Variants in DNAH11 observed in about 807,000 individuals in gnomAD.
DNAH11 encodes the protein axonemal beta dynein heavy chain 11.
In DNAH11, 442 loss-of-function variants were observed where a neutral mutation model predicts 526.0. The ratio of observed to expected loss-of-function variants is 0.84; its 90% CI spans 0.78 to 0.91. DNAH11 has a LOEUF of 0.91. Among genes scored for constraint, DNAH11 ranks in the 40% least tolerant of loss-of-function variants. DNAH11 has a pLI of 0.00. For synonymous variants in DNAH11, 2,461 were observed against 1,935.9 expected (o/e 1.27, Z -7.12); for missense variants, 6,989 against 5,448.7 (o/e 1.28, Z -8.90).
chr7:21,579,882 A>G (rs181551592), intron 8 of DNAH11, among the ~76,000 whole-genome samples: 1 of 152,304 alleles, frequency 6.6e-6, no homozygotes, highest in Admixed American at 6.5e-5. Flanking sequence ...CAGATGAGCA[A>G]TAATGGTGAC....
At chr7:21,897,243 T>C (rs975628703) in intron 79 of DNAH11, among the ~76,000 whole-genome samples, 1 of 152,206 alleles carries the variant, frequency 6.6e-6, no homozygotes, top group Admixed American at 6.5e-5. Flanking sequence ...TCTTCAAGAC[T>C]TCTCTATTTC....
chr7:21,604,643 G>GCTT (rs979249630), intron 18 of DNAH11, among the ~76,000 whole-genome samples: 61 of 152,252 alleles, frequency 4.0e-4, no homozygotes, highest in African/African-American at 1.5e-3. Context: ...ACTTTGAGAG[G>GCTT]CTTTGGAGAT....
intron 65 of DNAH11, among the ~76,000 whole-genome samples, chr7:21,822,403 C>A (rs889782659): frequency 6.6e-6 from 1 of 152,102 alleles, no homozygotes; most frequent in Non-Finnish European, 1.5e-5. Flanking sequence ...GGACACCAAG[C>A]CATTCATGAG....
intron 28 of DNAH11, among the ~76,000 whole-genome samples, chr7:21,647,063 T>C (rs1787387929): frequency 6.6e-6 from 1 of 152,200 alleles, no homozygotes; most frequent in Non-Finnish European, 1.5e-5. Context: ...GTGTATTTCA[T>C]GTGTTCAAAA....
At chr7:21,630,381 G>A (rs552565691) in intron 25 of DNAH11, among the ~76,000 whole-genome samples, 2 of 152,158 alleles carry the variant, frequency 1.3e-5, no homozygotes, top group Non-Finnish European at 2.9e-5. Context: ...AATATTCTGT[G>A]TTTGTTCACA....
chr7:21,761,686 G>C (rs993720087), intron 54 of DNAH11, among the ~76,000 whole-genome samples: 1 of 152,026 alleles, frequency 6.6e-6, no homozygotes, highest in Non-Finnish European at 1.5e-5. Flanking sequence ...GACAACAACT[G>C]GTCTCCATGC....
At chr7:21,863,893 T>A (rs903540321) in intron 69 of DNAH11, among the ~76,000 whole-genome samples, 4 of 152,184 alleles carry the variant, frequency 2.6e-5, no homozygotes, top group African/African-American at 4.8e-5. Flanking sequence ...AGCTCAAAAA[T>A]TTTACCTGTT....
chr7:21,590,780 G>A (rs987169151), intron 12 of DNAH11, 138 bp from the exon 13 acceptor site: 1 of 525,364 alleles, frequency 1.9e-6, no homozygotes, highest in African/African-American at 2.0e-5. Flanking sequence ...AAAAGTATAT[G>A]AAACAAAAGT....
In DNAH11 at chr7:21,543,107, A is replaced by G; in HGVS notation, c.-139A>G. 7.1e-7 allele frequency: 1 copy of G among 1,417,604 alleles called. No homozygotes were observed. The highest frequency in any genetic ancestry group is 9.2e-7 in the Non-Finnish European group (1 of 1,092,202). 87.8% of individuals were successfully genotyped at this position (1,417,604 alleles called of 1,614,324 possible). ...AGTGGCGCGGCTGCTAAGTAGCAGC[A>G]GGTGGGAGACTAGGGTCTGCGCTCG... On this transcript the variant is annotated 5_prime_UTR_variant, in exon 1 of 82. Transcript: ENST00000409508.
At chr7:21,587,999 T>G (rs1784533419) in intron 9 of DNAH11, 65 bp from the exon 10 acceptor site, 1 of 1,517,512 alleles carries the variant, frequency 6.6e-7, no homozygotes, top group African/African-American at 1.4e-5. Flanking sequence ...AAGGGGAACA[T>G]TATGAGCTGA....
chr7:21,763,936 CA>C (rs1420394036), intron 54 of DNAH11, among the ~76,000 whole-genome samples: 1 of 151,656 alleles, frequency 6.6e-6, no homozygotes, highest in Non-Finnish European at 1.5e-5. Context: ...AAGCCAGTCA[CA>C]GAAGGACAAT....
chr7:21,850,586 G>T (rs184662015), intron 66 of DNAH11, among the ~76,000 whole-genome samples: 1 of 141,464 alleles, frequency 7.1e-6, no homozygotes, highest in African/African-American at 2.6e-5. Context: ...GTCTTGTCCT[G>T]AGGTTTGCGT....
Position 21,571,788 on chromosome 7 carries a change from A to T in DNAH11, c.1426-18A>T. Reference sequence around the variant, plus strand: ...TGCTCAATGTAGTGGAAAGGTCTTTACTGTGTTTTTTACAAAGGATATATT... The same window carrying T: ...TGCTCAATGTAGTGGAAAGGTCTTTTCTGTGTTTTTTACAAAGGATATATT... On this transcript the variant is annotated intron_variant, in intron 7 of 81. Coordinates refer to ENST00000409508, the MANE Select transcript of DNAH11 (RefSeq NM_001277115.2). 1.9e-6 allele frequency: 3 copies of T among 1,596,568 alleles called. No individual in the cohort carries two copies. The highest frequency in any genetic ancestry group is 2.6e-6 in the Non-Finnish European group (3 of 1,172,952).
chr7:21,644,010 C>T (rs1271054522), intron 28 of DNAH11, among the ~76,000 whole-genome samples: 1 of 152,120 alleles, frequency 6.6e-6, no homozygotes, highest in Non-Finnish European at 1.5e-5. Flanking sequence ...CTCAGGAATG[C>T]TTAATGTTTG....
At chr7:21,880,259 A>G (rs1052721965) in intron 74 of DNAH11, among the ~76,000 whole-genome samples, 1 of 152,184 alleles carries the variant, frequency 6.6e-6, no homozygotes, top group Non-Finnish European at 1.5e-5. Flanking sequence ...GAAACAGTCA[A>G]GGGTGTCCAT....
At position 21,896,459 on chromosome 7, in the gene DNAH11, T is replaced by C. The variant is rs140111840; in HGVS notation, c.13049+1460T>C. On this transcript the variant is annotated intron_variant, in intron 79 of 81. Coordinates refer to ENST00000409508, the MANE Select transcript of DNAH11 (RefSeq NM_001277115.2). ...TAGAGGGTGGATCTGGTCTTAAATA[T>C]TTGCCATTCCTTCCCAAGTAAAGTT... 4.6e-5 allele frequency among the ~76,000 whole-genome samples: 7 copies of C among 152,354 alleles called. No homozygotes were observed. The East Asian group carries it at 1.2e-3, about 25-fold the overall frequency.
intron 63 of DNAH11, among the ~76,000 whole-genome samples, chr7:21,813,483 A>T (rs7792944): frequency 0.41 from 61,808 of 152,090 alleles, 13,430 homozygotes; most frequent in East Asian, 0.82. Context: ...AAAGCCTTAC[A>T]TAAACATGAG....
At chr7:21,744,344 G>T in intron 49 of DNAH11, 94 bp from the exon 50 acceptor site, 1 of 1,332,080 alleles carries the variant, frequency 7.5e-7, no homozygotes, top group South Asian at 1.3e-5. Flanking sequence ...TTAACCATTT[G>T]CTAAGTTCAC....
In DNAH11 at chr7:21,789,813, T is replaced by TTTCTTTCTTTCTTTCTTCTTTCTTTC. The variant is rs1788377904; in HGVS notation, c.10026+488_10026+489insCTTTCTTTCTTCTTTCTTTCTTTCTT. 1.9e-4 allele frequency among the ~76,000 whole-genome samples: 16 copies of TTTCTTTCTTTCTTTCTTCTTTCTTTC among 85,622 alleles called. 1 individual carries two copies. Among genetic ancestry groups the TTTCTTTCTTTCTTTCTTCTTTCTTTC allele is most frequent in the African/African-American group, 6.9e-4 (15 of 21,662 alleles). 56.2% of individuals were successfully genotyped at this position (85,622 alleles called of 152,430 possible). On this transcript the variant is annotated intron_variant, in intron 61 of 81. Transcript: ENST00000409508. ...TCTTTCTTTCTTTCTTTCTTTTTTC[T>TTTCTTTCTTTCTTTCTTCTTTCTTTC]TTCTTTCTTTCTTTCTTTCTTTCTT...
Sources: gnomAD v4.1 joint callset for allele counts (sites outside exome capture counted in the v4.1 genomes callset) on GRCh38, gnomAD v4.1.1 for gene constraint, MANE v1.5 for transcripts, NCBI Gene and HGNC (gene_info 2026-07-23, HGNC 2026-07-21) for gene names.